The following FAN1 variants were observed in gnomAD, a reference collection of about 807,000 sequenced individuals.
The protein encoded by FAN1 is fanconi-associated nuclease 1.
A neutral mutation model predicts 104.9 loss-of-function variants in FAN1; 91 were observed. The observed-to-expected ratio is 0.87, with a 90% CI of 0.73 to 1.03. FAN1 has a LOEUF of 1.03. Ranked by LOEUF, FAN1 falls within the 50% of genes least tolerant of loss-of-function variation. The pLI, the probability that FAN1 is intolerant of heterozygous loss-of-function variation, is 0.00. For synonymous variants in FAN1, 478 were observed against 457.6 expected (o/e 1.04, Z -0.57); for missense variants, 1,263 against 1,239.9 (o/e 1.02, Z -0.28).
intron 5 of FAN1, 29 bp from the exon 6 acceptor site, chr15:30,918,135 T>C: frequency 6.2e-7 from 1 of 1,613,008 alleles, no homozygotes; most frequent in Non-Finnish European, 8.5e-7. Context: ...CTCATTCTTA[T>C]TTGGAACTTG....
intron 4 of FAN1, chr15:30,911,416 T>G (rs550865182): frequency 1.0e-6 from 1 of 984,148 alleles, no homozygotes; most frequent in East Asian, 1.1e-4. Context: ...TGAAAACACT[T>G]TAACATGATG....
chr15:30,924,757 G>T (rs1349704156), intron 8 of FAN1, among the ~76,000 whole-genome samples: 1 of 151,982 alleles, frequency 6.6e-6, no homozygotes, highest in Non-Finnish European at 1.5e-5. Context: ...GATCCGGGGT[G>T]GGACACATGT....
intron 13 of FAN1, among the ~76,000 whole-genome samples, chr15:30,933,545 T>C (rs1286375754): frequency 6.6e-6 from 1 of 152,232 alleles, no homozygotes; most frequent in African/African-American, 2.4e-5. Flanking sequence ...GTCCAGAATA[T>C]GGTATTCCCT....
At chr15:30,907,107 G>A (rs1466987978) in intron 2 of FAN1, among the ~76,000 whole-genome samples, 1 of 151,296 alleles carries the variant, frequency 6.6e-6, no homozygotes, top group Non-Finnish European at 1.5e-5. Context: ...TAGAGACAAG[G>A]TTTCTGTCTG....
At chr15:30,914,379 T>C (rs747121994) in intron 5 of FAN1, among the ~76,000 whole-genome samples, 11 of 152,190 alleles carry the variant, frequency 7.2e-5, no homozygotes, top group Admixed American at 2.0e-4. Flanking sequence ...GTTTGTTTGT[T>C]TGTCTTAATT....
chr15:30,908,235 C>G lies in FAN1; in HGVS notation c.1352C>G (p.Thr451Arg). Residue 451 changes from threonine to arginine, a missense_variant, in exon 3 of 15, where the codon ACG becomes AGG. By Grantham distance (71) the Thr-to-Arg change is moderately conservative. Coordinates refer to ENST00000362065, the MANE Select transcript of FAN1 (RefSeq NM_014967.5). ...LDLTPVIEELTNAGFLQTESE... is the reference protein window; with the variant it reads ...LDLTPVIEELRNAGFLQTESE... Reference sequence around the variant, plus strand: ...TTAACACCTGTGATTGAAGAATTGACGAATGCAGGCTTTCTACAGACAGGT... The same window carrying G: ...TTAACACCTGTGATTGAAGAATTGAGGAATGCAGGCTTTCTACAGACAGGT... 1 of 1,605,236 alleles carries G rather than the reference C, an allele frequency of 6.2e-7. No individual in the cohort carries two copies. Among genetic ancestry groups the G allele is most frequent in the Non-Finnish European group, 8.5e-7 (1 of 1,176,326 alleles).
At chr15:30,908,375 GT>G in intron 3 of FAN1, 117 bp downstream of exon 3, 1 of 769,302 alleles carries the variant, frequency 1.3e-6, no homozygotes. Context: ...GTAACTTACT[GT>G]TTTTTAATTG....
intron 7 of FAN1, among the ~76,000 whole-genome samples, chr15:30,921,381 C>T (rs1389988956): frequency 1.3e-5 from 2 of 152,174 alleles, no homozygotes; most frequent in African/African-American, 4.8e-5. Flanking sequence ...CATGGATTGT[C>T]TGGAGACAAT....
rs1379432354 is a variant in FAN1 at position 30,908,175 on chromosome 15, T to C, written c.1292T>C (p.Met431Thr). 9 of 1,611,538 alleles carry C rather than the reference T, an allele frequency of 5.6e-6. No individual in the cohort carries two copies. Among genetic ancestry groups the C allele is most frequent in the African/African-American group, 2.7e-5 (2 of 75,010 alleles). Residue 431 changes from methionine (M) to threonine (T), a missense_variant, in exon 3 of 15, where the codon ATG (methionine) becomes ACG (threonine). Coordinates refer to ENST00000362065, the MANE Select transcript of FAN1 (RefSeq NM_014967.5). ...CAACGTAAATTAAGCTGGATTAAGA[T>C]GACCAAATTAGAGTATGAAGAGATT... is the stretch of plus-strand genomic sequence containing the variant. ...LFQRKLSWIKMTKLEYEEIAL... is the reference protein window; with the variant it reads ...LFQRKLSWIKTTKLEYEEIAL...
chr15:30,938,816 A>G, intron 14 of FAN1: 6 of 727,622 alleles, frequency 8.2e-6, no homozygotes, highest in Non-Finnish European at 1.0e-5. Flanking sequence ...ACTGATCACT[A>G]CCTGGCTTTA....
chr15:30,914,548 G>A (rs925714331), intron 5 of FAN1, among the ~76,000 whole-genome samples: 1 of 152,046 alleles, frequency 6.6e-6, no homozygotes, highest in Non-Finnish European at 1.5e-5. Context: ...TATTTTTTTG[G>A]TAGAGATGGG....
chr15:30,910,839 A>C, intron 4 of FAN1, 24 bp downstream of exon 4: 1 of 1,605,102 alleles, frequency 6.2e-7, no homozygotes, highest in Non-Finnish European at 8.5e-7. Context: ...TTGTTACAGT[A>C]AAAACATTTA....
chr15:30,941,883 G>A lies in FAN1; in HGVS notation c.*321G>A. ...ACACGTGGCAGAATAACACCGTGCA[G>A]GTTGGCGGGTTTGGAAAACCATTCT... On this transcript the variant is annotated 3_prime_UTR_variant, in exon 15 of 15. Coordinates refer to ENST00000362065, the MANE Select transcript of FAN1 (RefSeq NM_014967.5). The A allele has an allele frequency of 6.2e-7, 1 of 1,614,060 alleles. No individual in the cohort carries two copies. Among genetic ancestry groups the A allele is most frequent in the Non-Finnish European group, 8.5e-7 (1 of 1,179,904 alleles).
intron 2 of FAN1, among the ~76,000 whole-genome samples, chr15:30,907,381 G>T (rs964938193): frequency 1.3e-5 from 2 of 152,104 alleles, no homozygotes; most frequent in African/African-American, 4.8e-5. Context: ...AGCCGGGCAT[G>T]GTGGTGGGCG....
At chr15:30,907,778 G>C (rs1455360126) in intron 2 of FAN1, among the ~76,000 whole-genome samples, 2 of 152,158 alleles carry the variant, frequency 1.3e-5, no homozygotes, top group African/African-American at 4.8e-5. Context: ...ACTGAAGCTA[G>C]ACATTTTTTT....
intron 12 of FAN1, among the ~76,000 whole-genome samples, 159 bp downstream of exon 12, chr15:30,929,556 A>G (rs2062562446): frequency 9.6e-6 from 1 of 104,370 alleles, no homozygotes; most frequent in Non-Finnish European, 1.9e-5. Flanking sequence ...TATAAAATAT[A>G]TATTATATCT....
In FAN1 at chr15:30,940,067, A is replaced by G. The variant is rs189006253; in HGVS notation, c.*4-1499A>G. On this transcript the variant is annotated intron_variant, in intron 14 of 14. Coordinates refer to ENST00000362065, the MANE Select transcript of FAN1 (RefSeq NM_014967.5). ...GTTATCTTGAAAACACTTGTTTTAG[A>G]AAAGGAAATAAGCTAACTAGACACT... is the stretch of plus-strand genomic sequence containing the variant. 1.2e-4 allele frequency: 121 copies of G among 982,496 alleles called. 1 individual carries two copies. The Middle Eastern group carries it at 3.7e-3, about 30-fold the overall frequency. The allele number at this position is 982,496 out of a possible 1,614,324, so 60.9% of individuals were successfully genotyped here.
chr15:30,933,951 G>A lies in FAN1; in HGVS notation c.2917-3168G>A, dbSNP rs144974088. Among the ~76,000 whole-genome samples the A allele has an allele frequency of 3.2e-3, 480 of 152,006 alleles. 3 individuals are homozygous for A. Among genetic ancestry groups the A allele is most frequent in the African/African-American group, 0.011 (438 of 41,454 alleles). ...GATTTTTTTTATTTTTTGTAGAGAT[G>A]GGGTTCCACCATGTTGCCCAGGCTG... On this transcript the variant is annotated intron_variant, in intron 13 of 14. Coordinates refer to ENST00000362065, the MANE Select transcript of FAN1 (RefSeq NM_014967.5).
intron 10 of FAN1, chr15:30,927,019 G>A (rs2062480142): frequency 2.0e-6 from 2 of 985,292 alleles, no homozygotes; most frequent in Non-Finnish European, 2.4e-6. Context: ...CCACTTAGGA[G>A]TTAAGGAACG....
Sources: allele counts gnomAD v4.1 joint callset (sites outside exome capture counted in the v4.1 genomes callset), GRCh38; gene constraint gnomAD v4.1.1; transcripts MANE v1.5; gene names NCBI Gene and HGNC (gene_info 2026-07-23, HGNC 2026-07-21).